AFAP1L2: variants seen among roughly 807,000 people sequenced by gnomAD.
The protein encoded by AFAP1L2 is actin filament-associated protein 1-like 2.
Under a neutral mutation model 99.3 loss-of-function variants are expected in AFAP1L2, and 46 were observed. The ratio of observed to expected loss-of-function variants is 0.46; its 90% confidence interval spans 0.37 to 0.59. AFAP1L2 has a LOEUF of 0.59. AFAP1L2 is among the 20% of genes least tolerant of loss of function. The pLI, the probability that AFAP1L2 is intolerant of heterozygous loss-of-function variation, is 0.00. For missense variants in AFAP1L2, 959 were observed against 1,034.9 expected, an observed-to-expected ratio of 0.93 and a Z score of 1.01; for synonymous variants, 397 against 419.1, an observed-to-expected ratio of 0.95 and a Z score of 0.64.
At chr10:114,285,788 A>G in the AFAP1L2 span, 1 of 818,436 alleles carries the variant, frequency 1.2e-6, no homozygotes, top group Non-Finnish European at 1.8e-6. Context: ...CTTGTCTCTA[A>G]CTCTGTGACG....
intron 1 of AFAP1L2, among the ~76,000 whole-genome samples, chr10:114,390,677 C>T (rs942981753): frequency 5.4e-5 from 8 of 148,730 alleles, no homozygotes; most frequent in Admixed American, 3.4e-4. Context: ...CCCGAGATCA[C>T]GCCACTGTAC....
At chr10:114,325,909 G>T in intron 4 of AFAP1L2, 1 of 1,289,142 alleles carries the variant, frequency 7.8e-7, no homozygotes, top group Non-Finnish European at 1.0e-6. Context: ...CTCCCCAGTG[G>T]GTCCCAGGGC....
At chr10:114,361,292 T>C (rs1161095263) in intron 1 of AFAP1L2, among the ~76,000 whole-genome samples, 1 of 152,136 alleles carries the variant, frequency 6.6e-6, no homozygotes, top group East Asian at 1.9e-4. Context: ...TCTGGTGGAA[T>C]CACAGGACCA....
At chr10:114,312,413 T>C (rs1025069480) in intron 7 of AFAP1L2, among the ~76,000 whole-genome samples, 3 of 152,100 alleles carry the variant, frequency 2.0e-5, no homozygotes, top group African/African-American at 7.2e-5. Context: ...AATGAGTATG[T>C]GTGTGTAGTG....
At position 114,307,887 on chromosome 10, in the gene AFAP1L2, G is replaced by T; in HGVS notation, c.990C>A (p.Gly330=). ...GATTCATTAGGTTGCTCAGTTTGAG[G>T]CCAGCAGAACATTTCTTCTTGACTG... The part of the protein sequence containing the change: ...TKDVKKKCSA[G]LKLSNLMNLG... The change falls in exon 10 of 19, where the codon GGC becomes GGA. Residue 330 remains glycine (G), a synonymous_variant. Coordinates refer to ENST00000304129, the MANE Select transcript of AFAP1L2 (RefSeq NM_001001936.3). 6.2e-7 allele frequency: 1 copy of T among 1,614,096 alleles called. No homozygotes were observed. The highest frequency in any genetic ancestry group is 8.5e-7 in the Non-Finnish European group (1 of 1,179,998).
intron 1 of AFAP1L2, among the ~76,000 whole-genome samples, chr10:114,371,538 AC>A (rs1417926752): frequency 5.9e-5 from 9 of 152,134 alleles, no homozygotes; most frequent in East Asian, 3.9e-4. Flanking sequence ...TTTAAAAAAA[AC>A]AAATACAAAT....
intron 1 of AFAP1L2, chr10:114,399,047 G>A (rs1435341420): frequency 1.8e-5 from 10 of 562,408 alleles, no homozygotes; most frequent in South Asian, 8.7e-5. Flanking sequence ...GCTAGAGCAC[G>A]GGAGAATATG....
chr10:114,353,325 C>A (rs1323288699), intron 1 of AFAP1L2, among the ~76,000 whole-genome samples: 1 of 152,240 alleles, frequency 6.6e-6, no homozygotes, highest in Non-Finnish European at 1.5e-5. Context: ...ATGACTCAAA[C>A]TAGCTGTTCT....
rs765020353 is a variant in AFAP1L2, at chr10:114,304,812, G to A, written c.1191C>T (p.Ser397=). ...NRSKVAQQPL[S]LVGCEVVPDP... is the part of the protein sequence containing the mutation. ...CTGGGACCACCTCGCAGCCCACCAG[G>A]CTGAGGGGTTGCTGGGCCACCTTGC... Residue 397 remains serine, a synonymous_variant, in exon 11 of 19, where the codon AGC becomes AGT. Coordinates refer to ENST00000304129, the MANE Select transcript of AFAP1L2 (RefSeq NM_001001936.3). 1 of 1,613,444 alleles carries A rather than the reference G, an allele frequency of 6.2e-7. No homozygotes were observed. Among genetic ancestry groups the A allele is most frequent in the Non-Finnish European group, 8.5e-7 (1 of 1,180,032 alleles).
At chr10:114,330,238 G>T (rs895788688) in intron 4 of AFAP1L2, among the ~76,000 whole-genome samples, 2 of 152,186 alleles carry the variant, frequency 1.3e-5, no homozygotes, top group Non-Finnish European at 2.9e-5. Flanking sequence ...GGCCAGTCCA[G>T]AGCCATTCTG....
chr10:114,341,610 T>A (rs1487346873), intron 1 of AFAP1L2, among the ~76,000 whole-genome samples: 3 of 57,570 alleles, frequency 5.2e-5, no homozygotes, highest in Non-Finnish European at 1.8e-4. Flanking sequence ...AGACTCCATC[T>A]CAAAAAAAAA....
In AFAP1L2 at chr10:114,304,920, G is replaced by A. The variant is rs755864451; in HGVS notation, c.1083C>T (p.Asn361=). The A allele has an allele frequency of 7.5e-6, 12 of 1,602,214 alleles. No homozygotes were observed. Among genetic ancestry groups the A allele is most frequent in the South Asian group, 3.3e-5 (3 of 90,940 alleles). Residue 361 remains asparagine (N), a synonymous_variant, in exon 11 of 19, where the codon AAC becomes AAT. Coordinates refer to ENST00000304129, the MANE Select transcript of AFAP1L2 (RefSeq NM_001001936.3). ...ACTTCCACTGGCTGTTCACCAGCAC[G>A]TTCAGGTAACCTGCAGGAGGAAGTG... ...ERSLETSSYL[N]VLVNSQWKSR...
chr10:114,322,123 C>T (rs915566193), intron 5 of AFAP1L2, among the ~76,000 whole-genome samples: 44 of 152,296 alleles, frequency 2.9e-4, no homozygotes, highest in African/African-American at 9.6e-4. Flanking sequence ...CCATGTAAGA[C>T]GTCTTTGCTC....
downstream of AFAP1L2, among the ~76,000 whole-genome samples, chr10:114,293,851 T>C (rs553218110): frequency 6.6e-6 from 1 of 152,330 alleles, no homozygotes; most frequent in East Asian, 1.9e-4. Flanking sequence ...TTCTTGTCAT[T>C]TTGCATTGCC....
Position 114,300,496 on chromosome 10 carries a change from A to C in AFAP1L2, c.1737T>G (p.Gly579=). The C allele has an allele frequency of 6.2e-7, 1 of 1,614,022 alleles. No individual in the cohort carries two copies. Among genetic ancestry groups the C allele is most frequent in the Non-Finnish European group, 8.5e-7 (1 of 1,179,994 alleles). ...TEALPADSGP[G]PTPDEPCIKC... ...TTATGCAGGGCTCATCTGGGGTGGGACCTGGGCCTGAGTCTGCCGGGAGGG... is the reference window on the plus strand; with the variant it reads ...TTATGCAGGGCTCATCTGGGGTGGGCCCTGGGCCTGAGTCTGCCGGGAGGG... The change falls in exon 14 of 19, where the codon GGT becomes GGG. Residue 579 remains glycine, a synonymous_variant. Coordinates refer to ENST00000304129, the MANE Select transcript of AFAP1L2 (RefSeq NM_001001936.3).
intron 7 of AFAP1L2, 29 bp from the exon 8 acceptor site, chr10:114,310,472 G>C (rs1428936292): frequency 6.2e-7 from 1 of 1,603,080 alleles, no homozygotes; most frequent in South Asian, 1.1e-5. Context: ...CGTCAGCAGA[G>C]GCTGAGGTCC....
At chr10:114,348,055 A>G (rs1564941364) in intron 1 of AFAP1L2, among the ~76,000 whole-genome samples, 2 of 152,174 alleles carry the variant, frequency 1.3e-5, no homozygotes, top group Admixed American at 1.3e-4. Context: ...TTGCATATAC[A>G]TTTTGCATCT....
In AFAP1L2 at chr10:114,308,492, G is replaced by T; in HGVS notation, c.908C>A (p.Ser303Ter). 1 of 1,614,122 alleles carries T rather than the reference G, an allele frequency of 6.2e-7. No individual in the cohort carries two copies. Among genetic ancestry groups the T allele is most frequent in the Non-Finnish European group, 8.5e-7 (1 of 1,180,018 alleles). ...CACGGAGCTCCCATACTCTGAAGCC[G>T]ACAGGTACTTCTCAGCTATATCTGG... ...QKPDIAEKYL[S>*]ASEYGSSVDG... is the part of the protein sequence containing the mutation. The change falls in exon 9 of 19, where the codon TCG (serine) becomes TAG (stop). Residue 303 changes from serine (S) to a stop codon, truncating the protein, a stop_gained. Transcript: ENST00000304129. LOFTEE classifies it high-confidence loss of function.
rs557438561 is a variant in AFAP1L2 at position 114,324,817 on chromosome 10, T to C, written c.316-1556A>G. On this transcript the variant is annotated intron_variant, in intron 4 of 18. Transcript: ENST00000304129. Reference sequence around the variant, plus strand: ...AGTGCCCTGAGCTCAGGTGGACCCCTGTGCTTTGGGGGAGAGGGTAATGCT... The same window carrying C: ...AGTGCCCTGAGCTCAGGTGGACCCCCGTGCTTTGGGGGAGAGGGTAATGCT... 1.1e-4 allele frequency among the ~76,000 whole-genome samples: 17 copies of C among 152,238 alleles called. No individual in the cohort carries two copies. In the South Asian group the frequency reaches 2.3e-3, roughly 20 times the overall value.
Sources: gnomAD v4.1 joint callset for allele counts (sites outside exome capture counted in the v4.1 genomes callset) on GRCh38, gnomAD v4.1.1 for gene constraint, MANE v1.5 for transcripts, NCBI Gene and HGNC (gene_info 2026-07-23, HGNC 2026-07-21) for gene names.